Variants in S100PBP observed in about 807,000 individuals in gnomAD.
S100PBP encodes S100P-binding protein.
A neutral mutation model predicts 39.9 loss-of-function variants in S100PBP; 15 were observed. The ratio of observed to expected loss-of-function variants is 0.38; its 90% confidence interval spans 0.25 to 0.58. The LOEUF is 0.58. S100PBP is among the 20% of genes least tolerant of loss of function. The probability of loss-of-function intolerance (pLI) is 0.70; values close to 1 mark genes in which losing one functional copy is unlikely to be tolerated. For synonymous variants in S100PBP, 178 were observed against 180.3 expected (o/e 0.99, Z 0.10); for missense variants, 504 against 487.3 (o/e 1.03, Z -0.32).
At chr1:32,830,520 G>T (rs1246572055) in intron 5 of S100PBP, among the ~76,000 whole-genome samples, 6 of 152,164 alleles carry the variant, frequency 3.9e-5, no homozygotes, top group African/African-American at 1.4e-4. Flanking sequence ...GCTCTTGAAA[G>T]GTTTGGCTAC....
In S100PBP at chr1:32,857,713, C is replaced by A. The variant is rs1324950897; in HGVS notation, c.*1675C>A. 1.3e-5 allele frequency: 2 copies of A among 152,200 alleles called. No individual in the cohort carries two copies. The highest frequency in any genetic ancestry group is 1.9e-4 in the East Asian group (1 of 5,198). The allele number at this position is 152,200 out of a possible 1,614,324, so 9.4% of individuals were successfully genotyped here. A position where few individuals can be genotyped will look rare whatever the true frequency, so the allele number is the denominator to read the frequency against. On this transcript the variant is annotated 3_prime_UTR_variant, in exon 7 of 7. Transcript: ENST00000373475. ...TCTCTGTGAAGGCTGTTCATAGTTG[C>A]TATAGCCTGTGTTTAGTTTTGTGAT... is the stretch of plus-strand genomic sequence containing the variant.
chr1:32,832,487 C>G (rs1015266922), intron 5 of S100PBP, among the ~76,000 whole-genome samples: 10 of 152,108 alleles, frequency 6.6e-5, no homozygotes, highest in African/African-American at 2.4e-4. Flanking sequence ...TTCAGCATTA[C>G]AAATTACTCT....
chr1:32,817,731 T>G (rs1169704077), intron 1 of S100PBP, 42 bp downstream of exon 1: 7 of 192,900 alleles, frequency 3.6e-5, no homozygotes, highest in East Asian at 2.6e-4. Context: ...TTACCCGGCT[T>G]GGAGGGGGAT....
At chr1:32,848,657 CCT>C (rs1456431240) in intron 5 of S100PBP, among the ~76,000 whole-genome samples, 1 of 152,158 alleles carries the variant, frequency 6.6e-6, no homozygotes, top group East Asian at 1.9e-4. Context: ...TCCTATAAAA[CCT>C]GTCAGAATTG....
intron 1 of S100PBP, among the ~76,000 whole-genome samples, chr1:32,822,620 CAA>C (rs922887705): frequency 7.7e-5 from 6 of 77,728 alleles, no homozygotes; most frequent in Admixed American, 1.4e-4. Context: ...GACTCCGTTT[CAA>C]AAAAAAAAAA....
At chr1:32,828,119 G>A in intron 4 of S100PBP, 38 bp downstream of exon 4, 1 of 1,416,376 alleles carries the variant, frequency 7.1e-7, no homozygotes, top group South Asian at 1.2e-5. Flanking sequence ...GATTTATTTT[G>A]GTTCTCTTCA....
chr1:32,816,994 G>A (rs1318546703), upstream of S100PBP: 1 of 694,552 alleles, frequency 1.4e-6, no homozygotes, highest in Admixed American at 2.5e-5. Flanking sequence ...TGAGCCCACT[G>A]TGATTTCTGG....
intron 5 of S100PBP, among the ~76,000 whole-genome samples, chr1:32,832,837 C>T (rs1301991302): frequency 6.6e-6 from 1 of 152,156 alleles, no homozygotes. Context: ...CTTGCCAGTT[C>T]AGTTTGAATC....
chr1:32,824,670 CT>C (rs1469754238), intron 1 of S100PBP, among the ~76,000 whole-genome samples: 1 of 151,710 alleles, frequency 6.6e-6, no homozygotes, highest in Non-Finnish European at 1.5e-5. Context: ...TCAAGTGATC[CT>C]CTCACCTCAG....
chr1:32,851,753 A>G (rs549360430), intron 5 of S100PBP, among the ~76,000 whole-genome samples: 2 of 152,260 alleles, frequency 1.3e-5, no homozygotes, highest in South Asian at 4.1e-4. Flanking sequence ...TTGAAATGCA[A>G]ATTCTCAGGC....
In S100PBP at chr1:32,824,205, CAA is replaced by C. The variant is rs35200829; in HGVS notation, c.-119-1093_-119-1092del. Among the ~76,000 whole-genome samples the C allele has an allele frequency of 3.6e-3, 466 of 129,402 alleles. 2 individuals carry two copies. The highest frequency in any genetic ancestry group is 0.016 in the Middle Eastern group (4 of 248). The allele number at this position is 129,402 out of a possible 152,430, so 84.9% of individuals were successfully genotyped here. A position where few individuals can be genotyped will look rare whatever the true frequency, so the allele number is the denominator to read the frequency against. On this transcript the variant is annotated intron_variant, in intron 1 of 6. Transcript: ENST00000373475. ...TGGGCAACAGAGTGAGACTCCGTCT[CAA>C]AAAAAAAAAAAAAAGGAATGCATGA...
chr1:32,848,316 TAAAG>T (rs1255967776), intron 5 of S100PBP, among the ~76,000 whole-genome samples: 2 of 151,678 alleles, frequency 1.3e-5, no homozygotes, highest in Non-Finnish European at 1.5e-5. Flanking sequence ...CAAAAAAAAA[TAAAG>T]AAAAAAGAAA....
At chr1:32,840,979 T>A (rs1640064019) in intron 5 of S100PBP, among the ~76,000 whole-genome samples, 1 of 151,316 alleles carries the variant, frequency 6.6e-6, no homozygotes, top group African/African-American at 2.4e-5. Context: ...GCTAACACGG[T>A]GAAACCCCGT....
rs1310903878 is a variant in S100PBP at position 32,855,796 on chromosome 1, TATAAAA to T, written c.1113-127_1113-122del. ...ATTTCTAAAATTGTGAGAATTGAAA[TATAAAA>T]TTAATATCTGATTTCCAAAAGTAAA... On this transcript the variant is annotated intron_variant, in intron 6 of 6. Coordinates refer to ENST00000373475, the MANE Select transcript of S100PBP (RefSeq NM_022753.4). 1.2e-5 allele frequency: 7 copies of T among 570,588 alleles called. No individual in the cohort carries two copies. The East Asian group carries it at 2.1e-4, about 17-fold the overall frequency. The allele number at this position is 570,588 out of a possible 1,614,324, so 35.3% of individuals were successfully genotyped here. A position where few individuals can be genotyped will look rare whatever the true frequency, so the allele number is the denominator to read the frequency against.
At chr1:32,833,499 C>A (rs1488615391) in intron 5 of S100PBP, among the ~76,000 whole-genome samples, 2 of 151,356 alleles carry the variant, frequency 1.3e-5, no homozygotes, top group Non-Finnish European at 2.9e-5. Flanking sequence ...GTAGCTGGGA[C>A]CACAGGCGCA....
chr1:32,830,080 C>T lies in S100PBP; in HGVS notation c.1024+13C>T. 1 of 1,489,982 alleles carries T rather than the reference C, an allele frequency of 6.7e-7. No homozygotes were observed. The highest frequency in any genetic ancestry group is 2.3e-5 in the East Asian group (1 of 44,280). The allele number at this position is 1,489,982 out of a possible 1,614,324, so 92.3% of individuals were successfully genotyped here. On this transcript the variant is annotated intron_variant, in intron 5 of 6. Transcript: ENST00000373475. ...GACACTAACCAAGGTAACATGGTAC[C>T]CAGAGAAAGGCATATAAAACATGTG...
chr1:32,820,282 G>T (rs746782530), intron 1 of S100PBP, among the ~76,000 whole-genome samples: 1 of 151,866 alleles, frequency 6.6e-6, no homozygotes. Flanking sequence ...AAGTAGCTGG[G>T]ATTACAGGCA....
intron 5 of S100PBP, among the ~76,000 whole-genome samples, chr1:32,838,333 C>CAAAAAAAAAAA (rs770251816): frequency 8.9e-5 from 6 of 67,778 alleles, no homozygotes; most frequent in Non-Finnish European, 1.4e-4. Flanking sequence ...GACTCTGTCT[C>CAAAAAAAAAAA]AAAAAAAAAA....
intron 4 of S100PBP, 72 bp from the exon 5 acceptor site, chr1:32,829,892 T>C: frequency 9.7e-7 from 1 of 1,032,908 alleles, no homozygotes; most frequent in South Asian, 1.3e-5. Flanking sequence ...AGTATATCAC[T>C]TCTCTCTACA....
Sources: gnomAD v4.1 joint callset for allele counts (sites outside exome capture counted in the v4.1 genomes callset) on GRCh38, gnomAD v4.1.1 for gene constraint, MANE v1.5 for transcripts, NCBI Gene and HGNC (gene_info 2026-07-23, HGNC 2026-07-21) for gene names.